Variants in DDHD1 observed in about 807,000 individuals in gnomAD.
The protein encoded by DDHD1 is phospholipase DDHD1.
DDHD1 carries 49 observed loss-of-function variants against 96.4 expected under a neutral mutation model. That is an observed-to-expected ratio of 0.51 (90% CI 0.40 to 0.64). The LOEUF is 0.64. DDHD1 is among the 30% of genes least tolerant of loss of function. The pLI is 0.00. For synonymous variants in DDHD1, 442 were observed against 446.5 expected (o/e 0.99, Z 0.13); for missense variants, 1,106 against 1,161.2 (o/e 0.95, Z 0.69).
intron 2 of DDHD1, chr14:53,103,141 A>C: frequency 7.7e-7 from 1 of 1,306,578 alleles, no homozygotes; most frequent in Non-Finnish European, 1.1e-6. Flanking sequence ...AAAATGTGGC[A>C]ATCTTAGCTA....
At position 53,119,138 on chromosome 14, in the gene DDHD1, T is replaced by A. The variant is rs147954612; in HGVS notation, c.839-15282A>T. On this transcript the variant is annotated intron_variant, in intron 1 of 12. Transcript: ENST00000673822. ...TGAGAGATTTTGTTATCCCTAGGCC[T>A]GCCTTACAAGAGCTCCTGAAGGAAG... Among the ~76,000 whole-genome samples, 3 of 152,296 alleles carry A rather than the reference T, an allele frequency of 2.0e-5. No homozygotes were observed. In the East Asian group the frequency reaches 5.8e-4, roughly 29 times the overall value.
chr14:53,080,881 G>A (rs1022493299), intron 4 of DDHD1, among the ~76,000 whole-genome samples: 2 of 151,990 alleles, frequency 1.3e-5, no homozygotes, highest in African/African-American at 4.8e-5. Context: ...ATAGGCATGT[G>A]CTACCATGTC....
chr14:53,141,694 T>C (rs1226794259), intron 1 of DDHD1, among the ~76,000 whole-genome samples: 1 of 152,200 alleles, frequency 6.6e-6, no homozygotes, highest in African/African-American at 2.4e-5. Context: ...AGTTCTACAT[T>C]TTCTTCAAAC....
rs1891515203 is a variant in DDHD1 at position 53,152,635 on chromosome 14, TGCCGGGCCGCCGGGCCGCCAA to T, written c.443_463del (p.Leu148_Arg154del). On this transcript the variant is annotated inframe_deletion, in exon 1 of 13. Transcript: ENST00000673822. Reference sequence around the variant, plus strand: ...CAGCTCCGTCACTACCTCATAGCGGTGCCGGGCCGCCGGGCCGCCAAGCCGGGTACGTTTCCTTTCCCCGGG... The same window carrying T: ...CAGCTCCGTCACTACCTCATAGCGGTGCCGGGTACGTTTCCTTTCCCCGGG... The T allele has an allele frequency of 6.2e-7, 1 of 1,613,064 alleles. No homozygotes were observed. Among genetic ancestry groups the T allele is most frequent in the South Asian group, 1.1e-5 (1 of 91,084 alleles).
At chr14:53,126,421 G>A (rs2139819905) in intron 1 of DDHD1, among the ~76,000 whole-genome samples, 1 of 152,310 alleles carries the variant, frequency 6.6e-6, no homozygotes, top group South Asian at 2.1e-4. Context: ...AGAGTGCAGT[G>A]CAGTGGAGCA....
At chr14:53,106,028 C>T (rs1408999340) in intron 1 of DDHD1, among the ~76,000 whole-genome samples, 1 of 151,688 alleles carries the variant, frequency 6.6e-6, no homozygotes, top group African/African-American at 2.4e-5. Context: ...GACTTTTTGC[C>T]TACTTTACCT....
At chr14:53,085,400 G>A (rs1237415541) in intron 4 of DDHD1, among the ~76,000 whole-genome samples, 1 of 152,158 alleles carries the variant, frequency 6.6e-6, no homozygotes, top group African/African-American at 2.4e-5. Context: ...ACACAGCCGG[G>A]TGCCCCTCTG....
At chr14:53,125,346 T>C (rs1201148749) in intron 1 of DDHD1, among the ~76,000 whole-genome samples, 1 of 152,232 alleles carries the variant, frequency 6.6e-6, no homozygotes, top group South Asian at 2.1e-4. Flanking sequence ...TAGGGAAAAA[T>C]TTCTCTCTAG....
intron 2 of DDHD1, among the ~76,000 whole-genome samples, chr14:53,097,711 G>A (rs951115769): frequency 6.6e-6 from 1 of 151,798 alleles, no homozygotes; most frequent in African/African-American, 2.4e-5. Context: ...AGAACGAAAT[G>A]GGAAATGTAT....
chr14:53,112,530 C>T (rs1198384613), intron 1 of DDHD1, among the ~76,000 whole-genome samples: 1 of 152,076 alleles, frequency 6.6e-6, no homozygotes, highest in Admixed American at 6.6e-5. Flanking sequence ...ATAAATAAAA[C>T]CATTTTCTAT....
chr14:53,144,895 A>G (rs1890872061), intron 1 of DDHD1, among the ~76,000 whole-genome samples: 1 of 152,210 alleles, frequency 6.6e-6, no homozygotes, highest in Admixed American at 6.5e-5. Context: ...CACATTTGTA[A>G]TCCCAGCACT....
intron 6 of DDHD1, among the ~76,000 whole-genome samples, chr14:53,072,128 G>T (rs28468401): frequency 6.6e-6 from 1 of 152,016 alleles, no homozygotes; most frequent in Non-Finnish European, 1.5e-5. Context: ...TAAAGTGACA[G>T]AATGCATTTG....
At chr14:53,098,015 T>G (rs372026476) in intron 2 of DDHD1, among the ~76,000 whole-genome samples, 98 of 152,164 alleles carry the variant, frequency 6.4e-4, no homozygotes, top group African/African-American at 2.2e-3. Flanking sequence ...CATACAGAGC[T>G]TAACTTTTTC....
chr14:53,153,013 T>C lies in DDHD1; in HGVS notation c.86A>G (p.Asp29Gly). 6.5e-7 allele frequency: 1 copy of C among 1,530,066 alleles called. No homozygotes were observed. 94.8% of individuals were successfully genotyped at this position (1,530,066 alleles called of 1,614,324 possible). ...GCCGCCGCCGAACGCTGGCCTCGCG[T>C]CTGAGCCCAGCTCCCAGGCGCCGCC... ...GGGGAWELGS[D>G]ARPAFGGGVC... is the part of the protein sequence containing the mutation. The change falls in exon 1 of 13, where the codon GAC becomes GGC. Residue 29 changes from aspartate (D) to glycine (G), a missense_variant. Asp to Gly is a moderately conservative substitution (Grantham distance 94). Transcript: ENST00000673822.
chr14:53,072,694 T>A lies in DDHD1; in HGVS notation c.1406A>T (p.Asp469Val). The change falls in exon 6 of 13, where the codon GAT becomes GTT. Residue 469 changes from aspartate to valine, a missense_variant. By Grantham distance (152) the Asp-to-Val change is radical (BLOSUM62 -3). Coordinates refer to ENST00000673822, the MANE Select transcript of DDHD1 (RefSeq NM_001160148.2). ...TCGTACTTTGTCAGGAGTAATGGAATCAACAGTGTCTACAAAAACAAACAA... is the reference window on the plus strand; with the variant it reads ...TCGTACTTTGTCAGGAGTAATGGAAACAACAGTGTCTACAAAAACAAACAA... Reference protein sequence around the residue: ...SKLTLDGDTVDSITPDKVRGL... With the variant: ...SKLTLDGDTVVSITPDKVRGL... The A allele has an allele frequency of 6.2e-7, 1 of 1,604,654 alleles. No individual in the cohort carries two copies. The highest frequency in any genetic ancestry group is 8.5e-7 in the Non-Finnish European group (1 of 1,174,610).
intron 4 of DDHD1, among the ~76,000 whole-genome samples, chr14:53,078,731 C>T (rs1008935231): frequency 1.3e-5 from 2 of 152,140 alleles, no homozygotes; most frequent in Non-Finnish European, 2.9e-5. Flanking sequence ...CTGAAACGTA[C>T]AGTACAATGC....
chr14:53,108,381 C>G (rs149926832), intron 1 of DDHD1, among the ~76,000 whole-genome samples: 1 of 152,162 alleles, frequency 6.6e-6, no homozygotes, highest in African/African-American at 2.4e-5. Context: ...CACTGCATGG[C>G]CCAAGATTCC....
intron 2 of DDHD1, chr14:53,103,381 C>A: frequency 2.8e-6 from 1 of 352,912 alleles, no homozygotes; most frequent in Non-Finnish European, 5.0e-6. Context: ...GTTCAATTTC[C>A]TTTGATAACT....
At chr14:53,062,886 G>C in intron 7 of DDHD1, 57 bp downstream of exon 7, 6 of 1,544,532 alleles carry the variant, frequency 3.9e-6, no homozygotes, top group Non-Finnish European at 5.3e-6. Context: ...TCTCGTAAGA[G>C]GTCCAGTAAT....
Sources: gnomAD v4.1 joint callset for allele counts (sites outside exome capture counted in the v4.1 genomes callset) on GRCh38, gnomAD v4.1.1 for gene constraint, MANE v1.5 for transcripts, NCBI Gene and HGNC (gene_info 2026-07-23, HGNC 2026-07-21) for gene names.